Variants in SUMF1 observed in about 807,000 individuals in gnomAD.
The protein encoded by SUMF1 is sulfatase modifying factor 1.
SUMF1 carries 48 observed loss-of-function variants against 47.6 expected under a neutral mutation model. That is an observed-to-expected ratio of 1.01 (90% CI 0.80 to 1.28). The LOEUF (loss-of-function observed/expected upper bound fraction) is 1.28. Among genes scored for constraint, SUMF1 ranks in the 50% most tolerant of loss-of-function variants. SUMF1 has a pLI of 0.00. For missense variants in SUMF1, 571 were observed against 485.4 expected, an observed-to-expected ratio of 1.18 and a Z score of -1.66; for synonymous variants, 230 against 192.1, an observed-to-expected ratio of 1.20 and a Z score of -1.63.
chr3:4,093,504 A>G (rs1692833975), intron 8 of SUMF1, among the ~76,000 whole-genome samples: 1 of 152,114 alleles, frequency 6.6e-6, no homozygotes, highest in Non-Finnish European at 1.5e-5. Context: ...ACAGATCACA[A>G]AGATGGTGAG....
chr3:4,095,905 T>A (rs1391519697), intron 8 of SUMF1, among the ~76,000 whole-genome samples: 1 of 152,162 alleles, frequency 6.6e-6, no homozygotes, highest in African/African-American at 2.4e-5. Flanking sequence ...AAGGCCCAAC[T>A]CAGCCAATAC....
At chr3:4,350,189 T>C (rs1699464346) in intron 8 of SUMF1, among the ~76,000 whole-genome samples, 1 of 151,758 alleles carries the variant, frequency 6.6e-6, no homozygotes, top group Non-Finnish European at 1.5e-5. Flanking sequence ...TTTTTAGTAT[T>C]AAAAAATCAC....
At chr3:4,254,257 G>A (rs1477477350) in intron 8 of SUMF1, among the ~76,000 whole-genome samples, 1 of 152,018 alleles carries the variant, frequency 6.6e-6, no homozygotes, top group Non-Finnish European at 1.5e-5. Flanking sequence ...AACAAAGCTG[G>A]ATGGAGAATG....
chr3:4,200,311 C>T (rs1347235589), intron 8 of SUMF1, among the ~76,000 whole-genome samples: 1 of 151,612 alleles, frequency 6.6e-6, no homozygotes, highest in Non-Finnish European at 1.5e-5. Context: ...CCAGAGGAGA[C>T]TGGTGTGTGA....
intron 8 of SUMF1, among the ~76,000 whole-genome samples, chr3:4,160,044 G>C (rs1411526375): frequency 2.0e-5 from 3 of 152,032 alleles, no homozygotes; most frequent in Admixed American, 1.3e-4. Flanking sequence ...GCCTTCTTTA[G>C]TTCAAATCTG....
At chr3:4,235,390 C>T (rs908492149) in intron 8 of SUMF1, among the ~76,000 whole-genome samples, 1 of 151,968 alleles carries the variant, frequency 6.6e-6, no homozygotes, top group Non-Finnish European at 1.5e-5. Flanking sequence ...GAGAATAATA[C>T]TAGGCTAGAC....
intron 8 of SUMF1, among the ~76,000 whole-genome samples, chr3:4,095,407 G>C (rs1169516965): frequency 6.6e-6 from 1 of 151,984 alleles, no homozygotes; most frequent in Admixed American, 6.6e-5. Flanking sequence ...GTTTTCTTTT[G>C]AAAGCTCTGA....
At chr3:4,275,821 G>A (rs962490356) in intron 8 of SUMF1, among the ~76,000 whole-genome samples, 1 of 152,146 alleles carries the variant, frequency 6.6e-6, no homozygotes, top group East Asian at 1.9e-4. Context: ...ACTTAGCCAA[G>A]CAACTATGGT....
Position 4,230,068 on chromosome 3 carries a change from G to GT in SUMF1, c.1014+146261dup, listed in dbSNP as rs112061698. ...CTTCATTTTGTGAGAATTTACGATA[G>GT]TTTTTTTTTTTTAGATAGAAGTTTC... On this transcript the variant is annotated intron_variant and NMD_transcript_variant, in intron 8 of 12. Coordinates refer to the SUMF1 transcript ENST00000448413. Among the ~76,000 whole-genome samples the GT allele has an allele frequency of 6.1e-3, 905 of 147,986 alleles. 9 individuals are homozygous for GT. Among genetic ancestry groups the GT allele is most frequent in the African/African-American group, 0.019 (776 of 40,270 alleles).
chr3:4,111,344 C>T (rs1309593299), intron 8 of SUMF1, among the ~76,000 whole-genome samples: 1 of 152,060 alleles, frequency 6.6e-6, no homozygotes, highest in African/African-American at 2.4e-5. Flanking sequence ...CAAGGGTAAA[C>T]TGTAGTATAA....
At chr3:4,114,679 G>T (rs1018618067) in intron 8 of SUMF1, among the ~76,000 whole-genome samples, 12 of 152,088 alleles carry the variant, frequency 7.9e-5, no homozygotes, top group Non-Finnish European at 1.5e-4. Context: ...CTAAACTGGA[G>T]GTGATGGGAC....
At chr3:4,213,989 T>G (rs956327141) in intron 8 of SUMF1, among the ~76,000 whole-genome samples, 4 of 152,120 alleles carry the variant, frequency 2.6e-5, no homozygotes, top group African/African-American at 9.7e-5. Flanking sequence ...CTGTCAATAT[T>G]AGACAGATCG....
chr3:4,170,326 T>C (rs1574947075), intron 8 of SUMF1, among the ~76,000 whole-genome samples: 1 of 152,294 alleles, frequency 6.6e-6, no homozygotes, highest in East Asian at 1.9e-4. Context: ...GAGGCCTTGT[T>C]AAAATTCAGA....
intron 9 of SUMF1, among the ~76,000 whole-genome samples, chr3:4,062,041 T>C (rs795726): frequency 6.6e-6 from 1 of 151,900 alleles, no homozygotes. Flanking sequence ...TCTCACCCTC[T>C]CTCTCCTACA....
intron 8 of SUMF1, among the ~76,000 whole-genome samples, chr3:4,152,560 TG>T: frequency 6.6e-6 from 1 of 151,460 alleles, no homozygotes; most frequent in Non-Finnish European, 1.5e-5. Flanking sequence ...CCCACAGTGC[TG>T]GGATTACAGG....
intron 8 of SUMF1, among the ~76,000 whole-genome samples, chr3:4,224,283 C>T (rs1349886669): frequency 6.6e-6 from 1 of 152,118 alleles, no homozygotes; most frequent in Admixed American, 6.6e-5. Context: ...AAGGCAACAA[C>T]TTATCCTTCA....
intron 3 of SUMF1, among the ~76,000 whole-genome samples, chr3:4,421,981 A>G (rs1172776375): frequency 6.6e-6 from 1 of 152,248 alleles, no homozygotes; most frequent in Admixed American, 6.5e-5. Flanking sequence ...CTCTTTTCAC[A>G]TCAACACAAT....
intron 9 of SUMF1, among the ~76,000 whole-genome samples, chr3:4,061,534 G>T (rs192586022): frequency 1.3e-5 from 2 of 152,224 alleles, no homozygotes; most frequent in Non-Finnish European, 2.9e-5. Flanking sequence ...ATTTGAGACT[G>T]ATCTCCCATC....
intron 1 of SUMF1, among the ~76,000 whole-genome samples, chr3:4,461,132 A>G (rs2079804971): frequency 6.6e-6 from 1 of 152,230 alleles, no homozygotes; most frequent in Non-Finnish European, 1.5e-5. Flanking sequence ...TATCATTTGA[A>G]TTATGCATAA....
Sources: gnomAD v4.1 joint callset for allele counts (sites outside exome capture counted in the v4.1 genomes callset) on GRCh38, gnomAD v4.1.1 for gene constraint, MANE v1.5 for transcripts, NCBI Gene and HGNC (gene_info 2026-07-23, HGNC 2026-07-21) for gene names.